The following ASAP1 variants were observed in gnomAD, a reference collection of about 807,000 sequenced individuals.
ASAP1 encodes the protein ArfGAP with SH3 domain, ankyrin repeat and PH domain 1.
In ASAP1, 43 loss-of-function variants were observed where a neutral mutation model predicts 145.2. The observed-to-expected ratio is 0.30, with a 90% confidence interval of 0.23 to 0.38. The LOEUF (loss-of-function observed/expected upper bound fraction) is 0.38. Among genes scored for constraint, ASAP1 ranks in the 10% least tolerant of loss-of-function variants. The pLI, the probability that ASAP1 is intolerant of heterozygous loss-of-function variation, is 1.00. For missense variants in ASAP1, 1,018 were observed against 1,355.3 expected (o/e 0.75, Z 3.91); for synonymous variants, 546 against 515.5 (o/e 1.06, Z -0.80).
intron 3 of ASAP1, among the ~76,000 whole-genome samples, chr8:130,282,654 C>A (rs1821321873): frequency 1.3e-5 from 2 of 152,288 alleles, no homozygotes; most frequent in African/African-American, 4.8e-5. Flanking sequence ...AAACCAATCA[C>A]TGATTTGGCA....
intron 19 of ASAP1, 105 bp downstream of exon 19, chr8:130,118,384 C>A: frequency 1.5e-6 from 2 of 1,369,116 alleles, no homozygotes; most frequent in Admixed American, 2.2e-5. Context: ...GACATGGCCA[C>A]CCAATGTATA....
intron 1 of ASAP1, among the ~76,000 whole-genome samples, chr8:130,417,968 G>T (rs1480436653): frequency 6.6e-6 from 1 of 152,194 alleles, no homozygotes; most frequent in Non-Finnish European, 1.5e-5. Flanking sequence ...ACACTCACTG[G>T]ACTAGCCAGG....
At chr8:130,345,155 G>A (rs949477345) in intron 3 of ASAP1, among the ~76,000 whole-genome samples, 1 of 152,128 alleles carries the variant, frequency 6.6e-6, no homozygotes, top group Non-Finnish European at 1.5e-5. Flanking sequence ...TTGTGTGGAC[G>A]AAATGAGAAT....
intron 3 of ASAP1, among the ~76,000 whole-genome samples, chr8:130,354,948 C>A (rs937290421): frequency 6.6e-6 from 1 of 152,194 alleles, no homozygotes; most frequent in African/African-American, 2.4e-5. Context: ...TGCAGTGGTG[C>A]GATCTTGGCT....
chr8:130,185,103 C>T (rs779845059), intron 7 of ASAP1, among the ~76,000 whole-genome samples: 149 of 152,260 alleles, frequency 9.8e-4, no homozygotes, highest in Non-Finnish European at 1.7e-3. Context: ...TAACTTATAA[C>T]AGCATAAGTC....
intron 3 of ASAP1, among the ~76,000 whole-genome samples, chr8:130,340,579 T>C (rs1361356130): frequency 6.6e-6 from 1 of 152,252 alleles, no homozygotes; most frequent in African/African-American, 2.4e-5. Context: ...ACTTAAACTT[T>C]GAATTTAAAA....
At chr8:130,388,917 T>G (rs750340308) in intron 2 of ASAP1, among the ~76,000 whole-genome samples, 12 of 152,334 alleles carry the variant, frequency 7.9e-5, no homozygotes, top group Middle Eastern at 3.4e-3. Flanking sequence ...TGCAGCCAAG[T>G]TCCACTTCTG....
intron 11 of ASAP1, among the ~76,000 whole-genome samples, chr8:130,166,325 T>C (rs1464934146): frequency 1.3e-5 from 2 of 152,204 alleles, no homozygotes; most frequent in Non-Finnish European, 2.9e-5. Flanking sequence ...CATAATTTCA[T>C]AACAAAAACA....
chr8:130,206,439 A>G (rs1302363483), intron 5 of ASAP1, among the ~76,000 whole-genome samples: 4 of 151,928 alleles, frequency 2.6e-5, no homozygotes, highest in Non-Finnish European at 4.4e-5. Context: ...TTGAGGGGAA[A>G]GAAAAGAAGA....
rs1826457323 is a variant in ASAP1, at chr8:130,358,138, G to A, written c.65C>T (p.Pro22Leu). The A allele has an allele frequency of 1.9e-6, 3 of 1,604,948 alleles. No individual in the cohort carries two copies. Among genetic ancestry groups the A allele is most frequent in the Non-Finnish European group, 2.5e-6 (3 of 1,177,060 alleles). The change falls in exon 3 of 30, where the codon CCG (proline) becomes CTG (leucine). Residue 22 changes from proline (P) to leucine (L), a missense_variant. By Grantham distance (98) the Pro-to-Leu change is moderately conservative. Around this residue, in one of 9 missense-constraint regions of ASAP1, gnomAD observed 106 missense variants for 134.5 expected, o/e 0.79. Transcript: ENST00000518721. The surrounding 1 kb of genome is among the most constrained non-coding windows in gnomAD (Gnocchi z 4.1). ...SSRDSLWNRM[P>L]DQISVSEFIA... ...GAACTCCGAGACAGAGATCTGGTCC[G>A]GCATCCTGCCGGGAGGGACGAGACA... is the stretch of plus-strand genomic sequence containing the variant.
Position 130,163,301 on chromosome 8 carries a change from A to AAAAACG in ASAP1, c.910-3343_910-3338dup, listed in dbSNP as rs370855529. Among the ~76,000 whole-genome samples the AAAAACG allele has an allele frequency of 3.0e-3, 464 of 152,388 alleles. 1 individual carries two copies. Among genetic ancestry groups the AAAAACG allele is most frequent in the African/African-American group, 0.011 (449 of 41,598 alleles). On this transcript the variant is annotated intron_variant, in intron 11 of 29. Coordinates refer to ENST00000518721, the MANE Select transcript of ASAP1 (RefSeq NM_018482.4). Reference sequence around the variant, plus strand: ...AAGGATTCAGACACTAACAACTTATAAAAACGATTATATTCTGTAAATGTA... The same window carrying AAAAACG: ...AAGGATTCAGACACTAACAACTTATAAAAACGAAAACGATTATATTCTGTAAATGTA...
chr8:130,201,558 C>T (rs979141598), intron 5 of ASAP1, among the ~76,000 whole-genome samples: 3 of 152,106 alleles, frequency 2.0e-5, no homozygotes, highest in Non-Finnish European at 4.4e-5. Context: ...AGTACCATTT[C>T]CCTGTGCATT....
intron 1 of ASAP1, among the ~76,000 whole-genome samples, chr8:130,405,277 G>GA (rs11435697): frequency 0.33 from 49,416 of 151,832 alleles, 8,817 homozygotes; most frequent in African/African-American, 0.46. Context: ...ATTTATAGAT[G>GA]AAAAAATCAT....
At chr8:130,435,123 C>T (rs577582006) in intron 1 of ASAP1, among the ~76,000 whole-genome samples, 1 of 152,206 alleles carries the variant, frequency 6.6e-6, no homozygotes. Flanking sequence ...TGTAACCTGG[C>T]GGGGAGGGTG....
At position 130,358,406 on chromosome 8, in the gene ASAP1, C is replaced by A. The variant is rs1204467616; in HGVS notation, c.60-263G>T. On this transcript the variant is annotated intron_variant, in intron 2 of 29. Coordinates refer to ENST00000518721, the MANE Select transcript of ASAP1 (RefSeq NM_018482.4). This position sits in a 1 kb window ranked among gnomAD's most constrained non-coding sequence, Gnocchi z 4.1. ...CGCGAGGCAGGGGGCTCTCCGGGAC[C>A]CGCCTCCCTCTGCTCATGCCGGCGG... Among the ~76,000 whole-genome samples, 2 of 148,236 alleles carry A rather than the reference C, an allele frequency of 1.3e-5. No homozygotes were observed. The highest frequency in any genetic ancestry group is 4.9e-5 in the African/African-American group (2 of 40,916).
chr8:130,363,826 C>A (rs1826825109), intron 2 of ASAP1, among the ~76,000 whole-genome samples: 1 of 152,180 alleles, frequency 6.6e-6, no homozygotes, highest in Non-Finnish European at 1.5e-5. Context: ...CCAGCCCAGG[C>A]AACCAAAGGA....
intron 13 of ASAP1, among the ~76,000 whole-genome samples, chr8:130,150,578 G>A (rs114211041): frequency 6.2e-4 from 94 of 152,302 alleles, no homozygotes; most frequent in African/African-American, 2.0e-3. Flanking sequence ...AAGAGAGTTA[G>A]GGTATGCATG....
At chr8:130,270,600 A>G (rs954307384) in intron 3 of ASAP1, among the ~76,000 whole-genome samples, 1 of 152,226 alleles carries the variant, frequency 6.6e-6, no homozygotes, top group Non-Finnish European at 1.5e-5. Flanking sequence ...TAAGAACACA[A>G]AAACTAAACC....
intron 3 of ASAP1, among the ~76,000 whole-genome samples, chr8:130,312,461 A>T (rs59636682): frequency 7.2e-6 from 1 of 139,516 alleles, no homozygotes; most frequent in Non-Finnish European, 1.6e-5. Flanking sequence ...GGGAAAAAAA[A>T]CCCATTAGGA....
Sources: gnomAD v4.1 joint callset for allele counts (sites outside exome capture counted in the v4.1 genomes callset) on GRCh38, gnomAD v4.1.1 for gene constraint, gnomAD v4.1.1 regional missense constraint, Gnocchi (gnomAD v3.1) non-coding constraint, MANE v1.5 for transcripts, NCBI Gene and HGNC (gene_info 2026-07-23, HGNC 2026-07-21) for gene names.